Variants in MPPED2 observed in about 807,000 individuals in gnomAD.
MPPED2 encodes the protein metallophosphoesterase MPPED2.
Under a neutral mutation model 33.0 loss-of-function variants are expected in MPPED2, and 5 were observed. That is an observed-to-expected ratio of 0.15 (90% confidence interval 0.08 to 0.32). The LOEUF (loss-of-function observed/expected upper bound fraction) is 0.32, where lower values mean the gene tolerates loss of function less well. Among genes scored for constraint, MPPED2 ranks in the 10% least tolerant of loss-of-function variants. MPPED2 has a pLI of 1.00. For missense variants in MPPED2, 275 were observed against 372.1 expected, an observed-to-expected ratio of 0.74 and a Z score of 2.15; for synonymous variants, 136 against 141.9, an observed-to-expected ratio of 0.96 and a Z score of 0.29.
intron 6 of MPPED2, among the ~76,000 whole-genome samples, chr11:30,403,616 T>C (rs1947944561): frequency 6.6e-6 from 1 of 152,178 alleles, no homozygotes. Flanking sequence ...TGTCCCAGGA[T>C]CTCTATGCCA....
At chr11:30,435,089 T>C (rs911386722) in intron 4 of MPPED2, among the ~76,000 whole-genome samples, 9 of 152,344 alleles carry the variant, frequency 5.9e-5, no homozygotes, top group African/African-American at 1.9e-4. Context: ...AGTTTGCGAG[T>C]GCATTCCTAA....
chr11:30,567,879 C>T (rs1201310351), intron 2 of MPPED2, among the ~76,000 whole-genome samples: 2 of 152,170 alleles, frequency 1.3e-5, no homozygotes, highest in Admixed American at 1.3e-4. Context: ...CCCCTGGCTA[C>T]CAGGTTAACA....
chr11:30,463,820 C>T (rs1950598702), intron 4 of MPPED2, among the ~76,000 whole-genome samples: 1 of 151,618 alleles, frequency 6.6e-6, no homozygotes, highest in African/African-American at 2.4e-5. Context: ...AAAATCCTAA[C>T]TGATATGGGA....
At chr11:30,395,564 C>T (rs1395968971) in intron 6 of MPPED2, among the ~76,000 whole-genome samples, 1 of 152,100 alleles carries the variant, frequency 6.6e-6, no homozygotes, top group African/African-American at 2.4e-5. Flanking sequence ...TAGAAAGAAG[C>T]CTCTCATGAG....
chr11:30,534,218 C>T (rs1954687782), intron 3 of MPPED2, among the ~76,000 whole-genome samples: 1 of 152,196 alleles, frequency 6.6e-6, no homozygotes, highest in Admixed American at 6.5e-5. Flanking sequence ...CTGTTGTCTT[C>T]CTTTAAAAAT....
At chr11:30,465,605 C>A (rs1950675783) in intron 4 of MPPED2, among the ~76,000 whole-genome samples, 1 of 152,172 alleles carries the variant, frequency 6.6e-6, no homozygotes, top group South Asian at 2.1e-4. Context: ...CTAGCCTTTT[C>A]TGCTTTGTTT....
chr11:30,426,594 G>A (rs930580612), intron 4 of MPPED2, among the ~76,000 whole-genome samples: 1 of 152,206 alleles, frequency 6.6e-6, no homozygotes, highest in African/African-American at 2.4e-5. Context: ...TGCCTATAAT[G>A]AGCCAGGCTC....
At chr11:30,464,324 TC>T (rs1950623299) in intron 4 of MPPED2, among the ~76,000 whole-genome samples, 1 of 151,646 alleles carries the variant, frequency 6.6e-6, no homozygotes, top group Non-Finnish European at 1.5e-5. Flanking sequence ...CGTCTACATT[TC>T]AATTTTAAAA....
intron 3 of MPPED2, among the ~76,000 whole-genome samples, chr11:30,530,102 C>T (rs1032318315): frequency 7.9e-5 from 12 of 152,172 alleles, no homozygotes; most frequent in African/African-American, 2.2e-4. Context: ...CACCCAAAAA[C>T]TCTGCCTTTC....
chr11:30,469,087 T>C (rs1398869030), intron 4 of MPPED2: 1 of 152,162 alleles, frequency 6.6e-6, no homozygotes, highest in Non-Finnish European at 1.5e-5. Context: ...CCGATAAAAA[T>C]AGAATTACAA....
chr11:30,485,886 G>A (rs1225123603), intron 4 of MPPED2, among the ~76,000 whole-genome samples: 1 of 152,014 alleles, frequency 6.6e-6, no homozygotes, highest in Non-Finnish European at 1.5e-5. Context: ...GAAGGCAGGG[G>A]GCTTCTCCTG....
At chr11:30,402,856 C>T (rs1219775042) in intron 6 of MPPED2, among the ~76,000 whole-genome samples, 1 of 152,210 alleles carries the variant, frequency 6.6e-6, no homozygotes, top group Non-Finnish European at 1.5e-5. Flanking sequence ...AATCTCAGAA[C>T]ACAGATTCCA....
At chr11:30,558,559 G>A (rs1956093394) in intron 2 of MPPED2, among the ~76,000 whole-genome samples, 1 of 151,054 alleles carries the variant, frequency 6.6e-6, no homozygotes, top group African/African-American at 2.4e-5. Flanking sequence ...AGAAATACAA[G>A]TATGTGCCAC....
At chr11:30,485,017 C>G (rs1951656399) in intron 4 of MPPED2, among the ~76,000 whole-genome samples, 1 of 152,108 alleles carries the variant, frequency 6.6e-6, no homozygotes, top group Non-Finnish European at 1.5e-5. Flanking sequence ...CATTACAAAA[C>G]TAACAACTGT....
intron 2 of MPPED2, among the ~76,000 whole-genome samples, chr11:30,537,410 A>G (rs1954870005): frequency 6.6e-6 from 1 of 152,218 alleles, no homozygotes; most frequent in South Asian, 2.1e-4. Flanking sequence ...CATGCAGCAG[A>G]GAACACACTG....
chr11:30,432,878 A>G (rs150314370), intron 4 of MPPED2, among the ~76,000 whole-genome samples: 1 of 152,204 alleles, frequency 6.6e-6, no homozygotes, highest in Non-Finnish European at 1.5e-5. Context: ...AAACAATGCT[A>G]GGTTCCCAGG....
chr11:30,550,806 G>C (rs1450649722), intron 2 of MPPED2, among the ~76,000 whole-genome samples: 1 of 152,172 alleles, frequency 6.6e-6, no homozygotes, highest in Non-Finnish European at 1.5e-5. Context: ...TTTGGTAGCA[G>C]TAATGCTGGG....
intron 4 of MPPED2, among the ~76,000 whole-genome samples, chr11:30,430,155 G>C (rs933345840): frequency 6.6e-6 from 1 of 152,162 alleles, no homozygotes; most frequent in African/African-American, 2.4e-5. Flanking sequence ...GGTTAGGAAA[G>C]GGCAAGGCAA....
chr11:30,546,888 T>C (rs1171894220), intron 2 of MPPED2, among the ~76,000 whole-genome samples: 1 of 152,188 alleles, frequency 6.6e-6, no homozygotes, highest in African/African-American at 2.4e-5. Flanking sequence ...TTTGTAACAA[T>C]AAAGAACTAT....
Sources: allele counts gnomAD v4.1 joint callset (sites outside exome capture counted in the v4.1 genomes callset), GRCh38; gene constraint gnomAD v4.1.1; transcripts MANE v1.5; gene names NCBI Gene and HGNC (gene_info 2026-07-23, HGNC 2026-07-21).